RNF216: variants seen among roughly 807,000 people sequenced by gnomAD.
RNF216 encodes E3 ubiquitin-protein ligase RNF216.
Under a neutral mutation model 110.8 loss-of-function variants are expected in RNF216, and 72 were observed. That is an observed-to-expected ratio of 0.65 (90% CI 0.54 to 0.79). The LOEUF is 0.79. RNF216 is among the 30% of genes least tolerant of loss of function. The pLI is 0.00. For missense variants in RNF216, 1,342 were observed against 1,141.2 expected (o/e 1.18, Z -2.54); for synonymous variants, 495 against 407.5 (o/e 1.21, Z -2.59).
chr7:5,745,119 A>G (rs1376069155), intron 3 of RNF216, among the ~76,000 whole-genome samples: 1 of 152,228 alleles, frequency 6.6e-6, no homozygotes, highest in African/African-American at 2.4e-5. Flanking sequence ...GAAAACACTA[A>G]TATTAGCAAA....
rs1786596168 is a variant in RNF216 at position 5,624,638 on chromosome 7, CG to C, written c.2383-514del. Reference sequence around the variant, plus strand: ...TGGCCTTGGCTCCTGGGCCAGGCCTCGGGGAGAGGAGGAAGGTGCGACAGTG... The same window carrying C: ...TGGCCTTGGCTCCTGGGCCAGGCCTCGGGAGAGGAGGAAGGTGCGACAGTG... On this transcript the variant is annotated intron_variant, in intron 15 of 16. Coordinates refer to ENST00000389902, the MANE Select transcript of RNF216 (RefSeq NM_207111.4). This position sits in a 1 kb window ranked among gnomAD's most constrained non-coding sequence, Gnocchi z 4.4. Among the ~76,000 whole-genome samples the C allele has an allele frequency of 6.6e-6, 1 of 152,172 alleles. No individual in the cohort carries two copies. Among genetic ancestry groups the C allele is most frequent in the East Asian group, 1.9e-4 (1 of 5,188 alleles).
At chr7:5,765,499 G>A (rs753902426) in intron 1 of RNF216, among the ~76,000 whole-genome samples, 31 of 151,906 alleles carry the variant, frequency 2.0e-4, no homozygotes, top group Non-Finnish European at 3.5e-4. Context: ...GCATGGTGGT[G>A]CATGCCCGTA....
At chr7:5,732,634 C>G (rs1057427520) in intron 5 of RNF216, among the ~76,000 whole-genome samples, 13 of 152,210 alleles carry the variant, frequency 8.5e-5, no homozygotes, top group African/African-American at 2.9e-4. Flanking sequence ...TTTACCAACA[C>G]AACTCTTCTG....
intron 13 of RNF216, among the ~76,000 whole-genome samples, chr7:5,704,002 C>T (rs985265089): frequency 6.6e-6 from 1 of 152,210 alleles, no homozygotes; most frequent in Non-Finnish European, 1.5e-5. Flanking sequence ...ACCAAACACA[C>T]CCAATTCATT....
At chr7:5,738,264 G>A (rs1471558907) in intron 5 of RNF216, among the ~76,000 whole-genome samples, 1 of 151,810 alleles carries the variant, frequency 6.6e-6, no homozygotes, top group Non-Finnish European at 1.5e-5. Flanking sequence ...TCCCACTCTG[G>A]CTCCCAGGCT....
chr7:5,700,148 C>G (rs1250420477), intron 13 of RNF216, among the ~76,000 whole-genome samples: 2 of 152,246 alleles, frequency 1.3e-5, no homozygotes, highest in East Asian at 3.9e-4. Flanking sequence ...ACCATAGCAA[C>G]AATTTCTCTT....
chr7:5,694,052 C>T (rs993393912), intron 13 of RNF216, among the ~76,000 whole-genome samples: 2 of 152,110 alleles, frequency 1.3e-5, no homozygotes, highest in African/African-American at 4.8e-5. Flanking sequence ...TGGGTTTATT[C>T]CAAAGGCAGT....
chr7:5,773,090 C>G (rs980771066), intron 1 of RNF216, among the ~76,000 whole-genome samples: 8 of 151,908 alleles, frequency 5.3e-5, no homozygotes, highest in Non-Finnish European at 8.8e-5. Flanking sequence ...CCAGGTATTC[C>G]CACTTTTAAA....
chr7:5,726,068 G>A (rs908783199), intron 7 of RNF216, among the ~76,000 whole-genome samples: 1 of 152,078 alleles, frequency 6.6e-6, no homozygotes, highest in African/African-American at 2.4e-5. Flanking sequence ...CTTGAGCTTA[G>A]GTGTTCAAGG....
chr7:5,691,753 C>G (rs929290838), intron 13 of RNF216, among the ~76,000 whole-genome samples: 4 of 152,212 alleles, frequency 2.6e-5, no homozygotes, highest in African/African-American at 2.4e-5. Flanking sequence ...CGGAGAGTTA[C>G]TAGTGTATGA....
At chr7:5,723,148 G>A (rs1236248242) in intron 8 of RNF216, among the ~76,000 whole-genome samples, 1 of 151,908 alleles carries the variant, frequency 6.6e-6, no homozygotes, top group African/African-American at 2.4e-5. Flanking sequence ...ATCTCATAAG[G>A]CTATTTGAAA....
intron 13 of RNF216, among the ~76,000 whole-genome samples, chr7:5,682,568 G>A (rs970025787): frequency 7.9e-4 from 120 of 151,958 alleles, no homozygotes; most frequent in African/African-American, 2.8e-3. Flanking sequence ...CCACCATGCC[G>A]GGCTATTTTT....
intron 14 of RNF216, chr7:5,649,720 C>A (rs1231279728): frequency 1.3e-5 from 2 of 152,150 alleles, no homozygotes; most frequent in Non-Finnish European, 2.9e-5. Flanking sequence ...TTTCACATCT[C>A]TTTTTACTTC....
intron 8 of RNF216, among the ~76,000 whole-genome samples, chr7:5,722,550 C>T (rs370288793): frequency 2.0e-5 from 3 of 151,772 alleles, no homozygotes; most frequent in East Asian, 4.0e-4. Flanking sequence ...GCCACCATGC[C>T]CGGCTAATTT....
chr7:5,640,666 A>T (rs2128567040), intron 15 of RNF216, among the ~76,000 whole-genome samples: 1 of 152,302 alleles, frequency 6.6e-6, no homozygotes, highest in South Asian at 2.1e-4. Flanking sequence ...ATTTACGTTA[A>T]TAGAATTGTT....
At chr7:5,654,566 A>C (rs1046064762) in intron 13 of RNF216, among the ~76,000 whole-genome samples, 3 of 151,832 alleles carry the variant, frequency 2.0e-5, no homozygotes, top group Non-Finnish European at 2.9e-5. Context: ...TGGTGACTGT[A>C]ATCCCAGCTA....
Position 5,621,162 on chromosome 7 carries a change from G to C in RNF216, c.*1698C>G, listed in dbSNP as rs527502124. The stretch of plus-strand genomic sequence containing the variant: ...ATCCTGGGCAAAGGCAGAAAGAATG[G>C]GTATCTTAGTTTTTTTTTTTTTTTT... On this transcript the variant is annotated 3_prime_UTR_variant, in exon 17 of 17. Transcript: ENST00000389902. 2 of 139,392 alleles carry C rather than the reference G, an allele frequency of 1.4e-5. No homozygotes were observed. The highest frequency in any genetic ancestry group is 3.0e-5 in the Non-Finnish European group (2 of 66,672). 8.6% of individuals were successfully genotyped at this position (139,392 alleles called of 1,614,324 possible).
intron 3 of RNF216, among the ~76,000 whole-genome samples, chr7:5,748,510 G>C: frequency 6.6e-6 from 1 of 152,010 alleles, no homozygotes; most frequent in Non-Finnish European, 1.5e-5. Flanking sequence ...CCAAAGTGCT[G>C]GGATTATAGG....
chr7:5,668,384 C>T (rs969356000), intron 13 of RNF216, among the ~76,000 whole-genome samples: 11 of 152,004 alleles, frequency 7.2e-5, no homozygotes, highest in Non-Finnish European at 1.2e-4. Flanking sequence ...CCACCACGCC[C>T]GGCTAATGTT....
Sources: gnomAD v4.1 joint callset for allele counts (sites outside exome capture counted in the v4.1 genomes callset) on GRCh38, gnomAD v4.1.1 for gene constraint, Gnocchi (gnomAD v3.1) non-coding constraint, MANE v1.5 for transcripts, NCBI Gene and HGNC (gene_info 2026-07-23, HGNC 2026-07-21) for gene names.